SH2D4B: variants seen among roughly 807,000 people sequenced by gnomAD.
SH2D4B encodes the protein SH2 domain containing 4B.
In SH2D4B, 45 loss-of-function variants were observed where a neutral mutation model predicts 61.5. The ratio of observed to expected loss-of-function variants is 0.73; its 90% CI spans 0.58 to 0.94. SH2D4B has a LOEUF of 0.94. Ranked by LOEUF, SH2D4B falls within the 40% of genes least tolerant of loss-of-function variation. SH2D4B has a pLI of 0.00. For synonymous variants in SH2D4B, 224 were observed against 220.4 expected (o/e 1.02, Z -0.14); for missense variants, 572 against 574.2 (o/e 1.00, Z 0.04).
chr10:80,591,766 G>T lies in SH2D4B; in HGVS notation c.643+2989G>T, dbSNP rs368767199. Among the ~76,000 whole-genome samples, 5 of 152,222 alleles carry T rather than the reference G, an allele frequency of 3.3e-5. No homozygotes were observed. In the East Asian group the frequency reaches 9.6e-4, roughly 29 times the overall value. ...TCCACCTGCCTTGGCCTTCCAAAGT[G>T]CTGGGATTACAGTGTGAGCCACCAT... On this transcript the variant is annotated intron_variant, in intron 4 of 7. Coordinates refer to ENST00000646907, the MANE Select transcript of SH2D4B (RefSeq NM_001388272.1).
intron 3 of SH2D4B, among the ~76,000 whole-genome samples, chr10:80,586,864 AG>A (rs1842257999): frequency 6.6e-6 from 1 of 152,186 alleles, no homozygotes; most frequent in South Asian, 2.1e-4. Context: ...TCCTGAAGCC[AG>A]GGAGACCACG....
At chr10:80,643,281 A>G (rs1054782859) in intron 7 of SH2D4B, among the ~76,000 whole-genome samples, 1 of 147,232 alleles carries the variant, frequency 6.8e-6, no homozygotes, top group Non-Finnish European at 1.5e-5. Context: ...TTCTCGTTTC[A>G]TGGATGACTT....
chr10:80,586,139 G>T (rs7081964), intron 3 of SH2D4B, among the ~76,000 whole-genome samples: 40,791 of 151,962 alleles, frequency 0.27, 6,414 homozygotes, highest in African/African-American at 0.43. Context: ...CCTGCAGCTT[G>T]CCATGCCTGA....
intron 3 of SH2D4B, among the ~76,000 whole-genome samples, chr10:80,572,994 T>G (rs1400669502): frequency 2.2e-5 from 1 of 46,014 alleles, no homozygotes; most frequent in Non-Finnish European, 4.7e-5. Context: ...ATATTTTTTT[T>G]TTTTTTTTTT....
intron 5 of SH2D4B, among the ~76,000 whole-genome samples, chr10:80,605,628 C>G (rs1842509794): frequency 6.6e-6 from 1 of 152,152 alleles, no homozygotes; most frequent in African/African-American, 2.4e-5. Context: ...AAGTGATTCT[C>G]CTGCCTCAGC....
chr10:80,545,865 T>A (rs373364286), intron 1 of SH2D4B, among the ~76,000 whole-genome samples: 6 of 152,280 alleles, frequency 3.9e-5, no homozygotes, highest in Admixed American at 6.5e-5. Flanking sequence ...ACTAAAAGTA[T>A]AGAAATCAGA....
chr10:80,559,793 A>G (rs1203678399), intron 1 of SH2D4B, among the ~76,000 whole-genome samples: 1 of 148,548 alleles, frequency 6.7e-6, no homozygotes, highest in Non-Finnish European at 1.5e-5. Flanking sequence ...ATGCACCACC[A>G]CGTCTGGCTA....
chr10:80,569,720 A>G (rs1842015255), intron 1 of SH2D4B, among the ~76,000 whole-genome samples: 1 of 152,042 alleles, frequency 6.6e-6, no homozygotes, highest in South Asian at 2.1e-4. Flanking sequence ...GGGAGGGGCT[A>G]TTATCATCCT....
chr10:80,615,541 C>T (rs1842650999), intron 6 of SH2D4B, among the ~76,000 whole-genome samples: 1 of 152,206 alleles, frequency 6.6e-6, no homozygotes, highest in African/African-American at 2.4e-5. Flanking sequence ...TCATTCCTGA[C>T]CTTGGCAATC....
chr10:80,603,680 G>C lies in SH2D4B; in HGVS notation c.745G>C (p.Val249Leu). 2 of 1,611,792 alleles carry C rather than the reference G, an allele frequency of 1.2e-6. No homozygotes were observed. The highest frequency in any genetic ancestry group is 1.7e-6 in the Non-Finnish European group (2 of 1,179,292). Residue 249 changes from valine to leucine, a missense_variant, in exon 5 of 8, where the codon GTC becomes CTC. By Grantham distance (32) the Val-to-Leu change is conservative. Transcript: ENST00000646907. ...GCTCCGTGCTATCCAGAAGGGCACGGTCGCTGGCCTCAGCTCCATGTTCCG... is the reference window on the plus strand; with the variant it reads ...GCTCCGTGCTATCCAGAAGGGCACGCTCGCTGGCCTCAGCTCCATGTTCCG... The part of the protein sequence containing the change: ...HSLRAIQKGT[V>L]AGLSSMFREL...
At chr10:80,619,197 C>T (rs1842690305) in intron 6 of SH2D4B, among the ~76,000 whole-genome samples, 1 of 152,192 alleles carries the variant, frequency 6.6e-6, no homozygotes, top group Admixed American at 6.5e-5. Flanking sequence ...GCCAGCGGGG[C>T]TGCAGTGGCC....
At position 80,645,308 on chromosome 10, in the gene SH2D4B, C is replaced by G. The variant is rs1269008450; in HGVS notation, c.*1223C>G. 1.3e-5 allele frequency: 2 copies of G among 152,270 alleles called. No individual in the cohort carries two copies. The highest frequency in any genetic ancestry group is 4.8e-5 in the African/African-American group (2 of 41,462). The allele number at this position is 152,270 out of a possible 1,614,324, so 9.4% of individuals were successfully genotyped here. A position where few individuals can be genotyped will look rare whatever the true frequency, so the allele number is the denominator to read the frequency against. On this transcript the variant is annotated 3_prime_UTR_variant, in exon 8 of 8. Transcript: ENST00000646907. ...TAGATTCTTGGTCACTTCTCTACCACAAGCCACCAGCACTATAACCAGTTT... is the reference window on the plus strand; with the variant it reads ...TAGATTCTTGGTCACTTCTCTACCAGAAGCCACCAGCACTATAACCAGTTT...
chr10:80,544,100 G>A (rs932955118), intron 1 of SH2D4B, among the ~76,000 whole-genome samples: 5 of 152,056 alleles, frequency 3.3e-5, no homozygotes, highest in Admixed American at 2.6e-4. Context: ...TTTGCTCTTT[G>A]CAATAAATCT....
intron 4 of SH2D4B, among the ~76,000 whole-genome samples, chr10:80,603,276 G>A (rs550977895): frequency 7.2e-5 from 11 of 152,226 alleles, no homozygotes; most frequent in South Asian, 4.2e-4. Flanking sequence ...CTGGAATGGC[G>A]TCACAGGAAC....
At position 80,579,084 on chromosome 10, in the gene SH2D4B, G is replaced by A. The variant is rs76140009; in HGVS notation, c.495+7506G>A. ...TGCATTGAGGGATTTTTACCCCACA[G>A]AGAAGGGAGATAGGTGGAGGCTGGA... is the stretch of plus-strand genomic sequence containing the variant. On this transcript the variant is annotated intron_variant, in intron 3 of 7. Transcript: ENST00000646907. 0.027 allele frequency among the ~76,000 whole-genome samples: 4,074 copies of A among 152,242 alleles called. 302 individuals are homozygous for A. The East Asian group carries it at 0.32, about 12-fold the overall frequency.
rs111789962 is a variant in SH2D4B, at chr10:80,571,437, G to A, written c.354G>A (p.Gln118=). Residue 118 remains glutamine, a synonymous_variant, in exon 3 of 8, where the codon CAG becomes CAA. Coordinates refer to ENST00000646907, the MANE Select transcript of SH2D4B (RefSeq NM_001388272.1). ...TGTGGTGCTCTCTTGGTAGGAGACA[G>A]AAGGAGGCAGAGATCACCAAGAAGT... ...AQREAEELWR[Q]KEAEITKKFR... is the part of the protein sequence containing the mutation. 3.1e-6 allele frequency: 5 copies of A among 1,614,002 alleles called. No individual in the cohort carries two copies. Among genetic ancestry groups the A allele is most frequent in the Non-Finnish European group, 4.2e-6 (5 of 1,179,990 alleles).
intron 1 of SH2D4B, among the ~76,000 whole-genome samples, chr10:80,565,024 G>A (rs1409195855): frequency 2.0e-5 from 3 of 152,194 alleles, no homozygotes; most frequent in Admixed American, 2.0e-4. Flanking sequence ...AGAAACAGGT[G>A]GATTGGTCAC....
chr10:80,606,089 G>A (rs544795476), intron 5 of SH2D4B, among the ~76,000 whole-genome samples: 4 of 152,116 alleles, frequency 2.6e-5, no homozygotes, highest in East Asian at 3.9e-4. Flanking sequence ...TCCTATAGCC[G>A]CCCCATGGGA....
chr10:80,591,030 C>T (rs944042086), intron 4 of SH2D4B, among the ~76,000 whole-genome samples: 1 of 150,652 alleles, frequency 6.6e-6, no homozygotes, highest in African/African-American at 2.4e-5. Flanking sequence ...TTGCTTAGCA[C>T]AATGTTTTCA....
Sources: gnomAD v4.1 joint callset for allele counts (sites outside exome capture counted in the v4.1 genomes callset) on GRCh38, gnomAD v4.1.1 for gene constraint, MANE v1.5 for transcripts, NCBI Gene and HGNC (gene_info 2026-07-23, HGNC 2026-07-21) for gene names.